The following CRLF3 variants were observed in gnomAD, a reference collection of about 807,000 sequenced individuals.
CRLF3 encodes cytokine receptor-like factor 3.
In CRLF3, 33 loss-of-function variants were observed where a neutral mutation model predicts 55.0. The ratio of observed to expected loss-of-function variants is 0.60; its 90% CI spans 0.46 to 0.80. The LOEUF is 0.80. CRLF3 is among the 30% of genes least tolerant of loss of function. CRLF3 has a pLI of 0.00. For synonymous variants in CRLF3, 238 were observed against 196.8 expected (o/e 1.21, Z -1.75); for missense variants, 494 against 538.4 (o/e 0.92, Z 0.82).
chr17:30,786,065 T>C (rs548349774), intron 6 of CRLF3, 34 bp from the exon 7 acceptor site: 3 of 1,163,328 alleles, frequency 2.6e-6, no homozygotes, highest in South Asian at 1.3e-5. Context: ...TTTCATACTT[T>C]TAAAAATATA....
chr17:30,800,773 ATT>A (rs562388803), intron 2 of CRLF3, among the ~76,000 whole-genome samples: 11 of 128,714 alleles, frequency 8.5e-5, no homozygotes, highest in Non-Finnish European at 1.3e-4. Flanking sequence ...TGCCTGGCTA[ATT>A]TTTTTTTTTT....
At chr17:30,817,217 A>G (rs1904834951) in intron 1 of CRLF3, among the ~76,000 whole-genome samples, 1 of 151,886 alleles carries the variant, frequency 6.6e-6, no homozygotes, top group Non-Finnish European at 1.5e-5. Context: ...GTGGGTGGAC[A>G]GCCTGAGCTC....
chr17:30,789,821 C>T (rs1428262497), intron 6 of CRLF3, among the ~76,000 whole-genome samples: 1 of 152,064 alleles, frequency 6.6e-6, no homozygotes, highest in Non-Finnish European at 1.5e-5. Context: ...GATATCTGGC[C>T]TGAATTTATC....
At chr17:30,785,834 A>G in intron 7 of CRLF3, 85 bp downstream of exon 7, 2 of 723,442 alleles carry the variant, frequency 2.8e-6, no homozygotes, top group Non-Finnish European at 4.6e-6. Flanking sequence ...ATCTCCTACT[A>G]TAAATGTATG....
chr17:30,795,520 C>T (rs1242347860), intron 4 of CRLF3, among the ~76,000 whole-genome samples: 2 of 149,826 alleles, frequency 1.3e-5, no homozygotes, highest in Non-Finnish European at 3.0e-5. Context: ...AAGAAAATGT[C>T]AGCCAGGCGG....
chr17:30,796,328 T>G lies in CRLF3; in HGVS notation c.435A>C (p.Glu145Asp). ...AAGGCACATCAACCAGTAAAGGTAC[T>G]TCTGGTAAGCTGAGGAAACAAAGCT... ...ASHIQLDSLP[E>D]VPLLVDVPCL... The change falls in exon 4 of 8, where the codon GAA becomes GAC. Residue 145 changes from glutamate to aspartate, a missense_variant. Coordinates refer to ENST00000324238, the MANE Select transcript of CRLF3 (RefSeq NM_015986.4). 6.2e-7 allele frequency: 1 copy of G among 1,612,764 alleles called. No homozygotes were observed. Among genetic ancestry groups the G allele is most frequent in the Non-Finnish European group, 8.5e-7 (1 of 1,179,268 alleles).
At chr17:30,797,778 T>TG (rs1971942815) in intron 2 of CRLF3, among the ~76,000 whole-genome samples, 1 of 141,994 alleles carries the variant, frequency 7.0e-6, no homozygotes, top group African/African-American at 2.6e-5. Flanking sequence ...ATAGGGTGTT[T>TG]TTTTTTTTTT....
At chr17:30,803,434 C>T (rs928420259) in intron 2 of CRLF3, among the ~76,000 whole-genome samples, 6 of 152,118 alleles carry the variant, frequency 3.9e-5, no homozygotes, top group African/African-American at 1.4e-4. Flanking sequence ...ATTCTAAGAA[C>T]CCCACAGCTG....
rs1394689787 is a variant in CRLF3 at position 30,784,487 on chromosome 17, T to TA, written c.1073-45dup. The TA allele has an allele frequency of 3.3e-6, 5 of 1,528,166 alleles. No individual in the cohort carries two copies. In the African/African-American group the frequency reaches 6.9e-5, roughly 21 times the overall value. The allele number at this position is 1,528,166 out of a possible 1,614,324, so 94.7% of individuals were successfully genotyped here. A position where few individuals can be genotyped will look rare whatever the true frequency, so the allele number is the denominator to read the frequency against. ...GAGTCATTTACATGTGAGCAATAAC[T>TA]AAGAGATCTGAAATAGTTTCTAGAT... On this transcript the variant is annotated intron_variant, in intron 7 of 7. Coordinates refer to ENST00000324238, the MANE Select transcript of CRLF3 (RefSeq NM_015986.4).
chr17:30,787,193 A>G (rs1971667276), intron 6 of CRLF3, among the ~76,000 whole-genome samples: 2 of 152,186 alleles, frequency 1.3e-5, no homozygotes, highest in African/African-American at 4.8e-5. Context: ...TTTATATTCT[A>G]GCTCTAGACA....
At chr17:30,799,712 C>A (rs1021905830) in intron 2 of CRLF3, among the ~76,000 whole-genome samples, 1 of 152,040 alleles carries the variant, frequency 6.6e-6, no homozygotes, top group Admixed American at 6.6e-5. Flanking sequence ...ACCATGTTGG[C>A]CAGGCTGGTC....
intron 6 of CRLF3, among the ~76,000 whole-genome samples, chr17:30,789,426 C>G (rs1433798240): frequency 1.3e-5 from 2 of 152,118 alleles, no homozygotes; most frequent in East Asian, 3.8e-4. Context: ...AGCAGGAGAG[C>G]ATCAGATCAA....
intron 1 of CRLF3, among the ~76,000 whole-genome samples, chr17:30,822,273 C>T (rs1217693099): frequency 6.6e-6 from 1 of 152,096 alleles, no homozygotes; most frequent in African/African-American, 2.4e-5. Context: ...ACAAAAGCAG[C>T]TGCTTACTTT....
intron 6 of CRLF3, among the ~76,000 whole-genome samples, chr17:30,788,338 AGAAAAG>A (rs1184986608): frequency 5.4e-5 from 7 of 129,750 alleles, no homozygotes; most frequent in Admixed American, 1.6e-4. Flanking sequence ...AAAAAAAAAA[AGAAAAG>A]AAAAGAAAAG....
At position 30,808,882 on chromosome 17, in the gene CRLF3, C is replaced by T. The variant is rs1022968146; in HGVS notation, c.130-4774G>A. 2.6e-5 allele frequency among the ~76,000 whole-genome samples: 4 copies of T among 152,176 alleles called. 1 individual carries two copies. Among genetic ancestry groups the T allele is most frequent in the Non-Finnish European group, 4.4e-5 (3 of 68,036 alleles). ...TGCTGGGATTACAGGCATGAGCCAC[C>T]GCACCCGGCCAAATCTGTATTTTTA... On this transcript the variant is annotated intron_variant, in intron 1 of 7. Coordinates refer to ENST00000324238, the MANE Select transcript of CRLF3 (RefSeq NM_015986.4).
chr17:30,785,355 G>A (rs942252704), intron 7 of CRLF3, among the ~76,000 whole-genome samples: 3 of 151,948 alleles, frequency 2.0e-5, no homozygotes, highest in African/African-American at 7.2e-5. Flanking sequence ...GATTAGAGGC[G>A]TGATCCACCG....
chr17:30,812,964 T>C (rs2142269762), intron 1 of CRLF3, among the ~76,000 whole-genome samples: 1 of 152,194 alleles, frequency 6.6e-6, no homozygotes, highest in East Asian at 1.9e-4. Flanking sequence ...TCTCCAAATA[T>C]AAATGAATGT....
At chr17:30,789,957 C>T (rs1353233870) in intron 6 of CRLF3, among the ~76,000 whole-genome samples, 1 of 151,660 alleles carries the variant, frequency 6.6e-6, no homozygotes, top group Non-Finnish European at 1.5e-5. Context: ...CTCATGATTA[C>T]CTGGGGAATA....
rs191508796 is a variant in CRLF3, at chr17:30,792,612, T to C, written c.827-40A>G. On this transcript the variant is annotated intron_variant, in intron 5 of 7. Transcript: ENST00000324238. ...AGATATTGAAAACTGTTAGAATCTCTTGAGGGATATCTTCAATACAGACAC... is the reference window on the plus strand; with the variant it reads ...AGATATTGAAAACTGTTAGAATCTCCTGAGGGATATCTTCAATACAGACAC... The C allele has an allele frequency of 7.0e-4, 1,105 of 1,570,180 alleles. 4 individuals carry two copies. The highest frequency in any genetic ancestry group is 6.4e-3 in the African/African-American group (472 of 74,164).
Sources: allele counts gnomAD v4.1 joint callset (sites outside exome capture counted in the v4.1 genomes callset), GRCh38; gene constraint gnomAD v4.1.1; transcripts MANE v1.5; gene names NCBI Gene and HGNC (gene_info 2026-07-23, HGNC 2026-07-21).